HSPG2: variants seen among roughly 807,000 people sequenced by gnomAD.
HSPG2 encodes the protein heparan sulfate proteoglycan 2, also known as basement membrane-specific heparan sulfate proteoglycan core protein.
Under a neutral mutation model 526.6 loss-of-function variants are expected in HSPG2, and 278 were observed. The ratio of observed to expected loss-of-function variants is 0.53; its 90% CI spans 0.48 to 0.58. The LOEUF (loss-of-function observed/expected upper bound fraction) is 0.58, where lower values mean the gene tolerates loss of function less well. Ranked by LOEUF, HSPG2 falls within the 20% of genes least tolerant of loss-of-function variation. The pLI is 0.00. For synonymous variants in HSPG2, 2,465 were observed against 2,555.4 expected (o/e 0.96, Z 1.07); for missense variants, 5,354 against 6,099.5 (o/e 0.88, Z 4.07).
intron 1 of HSPG2, among the ~76,000 whole-genome samples, chr1:21,912,358 A>G (rs1643724187): frequency 6.6e-6 from 1 of 152,150 alleles, no homozygotes; most frequent in Non-Finnish European, 1.5e-5. Context: ...CTTCTCTCCC[A>G]GTCCTATCCA....
In HSPG2 at chr1:21,829,449, C is replaced by A; in HGVS notation, c.11926G>T (p.Val3976Leu). The change falls in exon 87 of 97, where the codon GTG (valine) becomes TTG (leucine). Residue 3976 changes from valine to leucine, a missense_variant. Physicochemically the swap from Val to Leu is conservative, Grantham distance 32. Coordinates refer to ENST00000374695, the MANE Select transcript of HSPG2 (RefSeq NM_005529.7). ...LLFSGGKSGP[V>L]EDFVSLAMVG... Reference sequence around the variant, plus strand: ...ATCGCCAGGGACACGAAGTCCTCCACAGGCCCGCTCTTCCCCCCGCTGAAC... The same window carrying A: ...ATCGCCAGGGACACGAAGTCCTCCAAAGGCCCGCTCTTCCCCCCGCTGAAC... 6.2e-7 allele frequency: 1 copy of A among 1,613,380 alleles called. No individual in the cohort carries two copies. The highest frequency in any genetic ancestry group is 2.2e-5 in the East Asian group (1 of 44,880).
intron 17 of HSPG2, 43 bp from the exon 18 acceptor site, chr1:21,879,164 C>G: frequency 1.2e-6 from 2 of 1,613,252 alleles, no homozygotes; most frequent in Non-Finnish European, 1.7e-6. Flanking sequence ...TAGAGCAGAA[C>G]TGGGCCAGAT....
At chr1:21,897,655 A>G (rs1238345039) in intron 1 of HSPG2, among the ~76,000 whole-genome samples, 1 of 152,194 alleles carries the variant, frequency 6.6e-6, no homozygotes, top group Non-Finnish European at 1.5e-5. Flanking sequence ...CAGACACACA[A>G]GACTACAAAC....
Position 21,890,090 on chromosome 1 carries a change from A to G in HSPG2, c.465T>C (p.Asn155=). ...FVELDVGSEG[N]ADGAQIQEML... ...TCTCCTGAATCTGAGCCCCATCCGC[A>G]TTCCCTTCCGAGCCCACATCCAGCT... Residue 155 remains asparagine, a synonymous_variant, in exon 6 of 97, where the codon AAT becomes AAC. Transcript: ENST00000374695. This position sits in a 1 kb window ranked among gnomAD's most constrained non-coding sequence, Gnocchi z 4.1. The G allele has an allele frequency of 1.2e-6, 2 of 1,614,000 alleles. No individual in the cohort carries two copies. The highest frequency in any genetic ancestry group is 1.7e-6 in the Non-Finnish European group (2 of 1,179,922).
intron 74 of HSPG2, among the ~76,000 whole-genome samples, chr1:21,837,388 C>T (rs182956642): frequency 1.8e-4 from 27 of 152,262 alleles, no homozygotes; most frequent in African/African-American, 6.0e-4. Flanking sequence ...TCAAGCGATT[C>T]TCCTGCCTCA....
Position 21,824,061 on chromosome 1 carries a change from G to C in HSPG2, c.12899+60C>G. ...CCTGCCTCTCTGCCCATGGTAGGGGGCGTCCTGCCCCACTCCAGAACGCTG... is the reference window on the plus strand; with the variant it reads ...CCTGCCTCTCTGCCCATGGTAGGGGCCGTCCTGCCCCACTCCAGAACGCTG... On this transcript the variant is annotated intron_variant, in intron 95 of 96. Coordinates refer to ENST00000374695, the MANE Select transcript of HSPG2 (RefSeq NM_005529.7). This position sits in a 1 kb window ranked among gnomAD's most constrained non-coding sequence, Gnocchi z 5.9. 6.9e-7 allele frequency: 1 copy of C among 1,458,794 alleles called. No individual in the cohort carries two copies. Among genetic ancestry groups the C allele is most frequent in the Non-Finnish European group, 9.5e-7 (1 of 1,053,048 alleles). The allele number at this position is 1,458,794 out of a possible 1,614,324, so 90.4% of individuals were successfully genotyped here.
Position 21,890,770 on chromosome 1 carries a change from G to T in HSPG2, c.245-76C>A. The T allele has an allele frequency of 9.0e-7, 1 of 1,116,496 alleles. No homozygotes were observed. Among genetic ancestry groups the T allele is most frequent in the Non-Finnish European group, 1.3e-6 (1 of 743,318 alleles). The allele number at this position is 1,116,496 out of a possible 1,614,324, so 69.2% of individuals were successfully genotyped here. On this transcript the variant is annotated intron_variant, in intron 3 of 96. Coordinates refer to ENST00000374695, the MANE Select transcript of HSPG2 (RefSeq NM_005529.7). This position sits in a 1 kb window ranked among gnomAD's most constrained non-coding sequence, Gnocchi z 4.1. ...GGCCTTAGGCAGTTGGACCATTCAG[G>T]CAGAGTTGGGGGGATGGCCCCCAGA... is the stretch of plus-strand genomic sequence containing the variant.
chr1:21,856,414 G>A (rs1280206406), intron 44 of HSPG2, among the ~76,000 whole-genome samples: 1 of 152,024 alleles, frequency 6.6e-6, no homozygotes, highest in Non-Finnish European at 1.5e-5. Flanking sequence ...CTCCCACCTT[G>A]TTTTATTTTA....
At chr1:21,913,033 T>C (rs1277483644) in intron 1 of HSPG2, among the ~76,000 whole-genome samples, 1 of 151,798 alleles carries the variant, frequency 6.6e-6, no homozygotes, top group Non-Finnish European at 1.5e-5. Flanking sequence ...ATGGTGCTTT[T>C]GGGCAGCCGT....
rs1251550877 is a variant in HSPG2, at chr1:21,822,382, G to A, written c.*934C>T. 7.3e-6 allele frequency: 5 copies of A among 681,684 alleles called. No homozygotes were observed. In the Admixed American group the frequency reaches 9.4e-5, roughly 13 times the overall value. 42.2% of individuals were successfully genotyped at this position (681,684 alleles called of 1,614,324 possible). A position where few individuals can be genotyped will look rare whatever the true frequency, so the allele number is the denominator to read the frequency against. On this transcript the variant is annotated 3_prime_UTR_variant, in exon 97 of 97. Coordinates refer to ENST00000374695, the MANE Select transcript of HSPG2 (RefSeq NM_005529.7). ...GATGGCACTTGAGCTGGATCTTCAG[G>A]CTCCTGCAGATGGGGCAGGGTGGTC...
chr1:21,839,330 G>C lies in HSPG2; in HGVS notation c.9889+41C>G, dbSNP rs1479589967. 6.3e-7 allele frequency: 1 copy of C among 1,599,108 alleles called. No homozygotes were observed. Among genetic ancestry groups the C allele is most frequent in the East Asian group, 2.2e-5 (1 of 44,826 alleles). On this transcript the variant is annotated intron_variant, in intron 73 of 96. Coordinates refer to ENST00000374695, the MANE Select transcript of HSPG2 (RefSeq NM_005529.7). The surrounding 1 kb of genome is among the most constrained non-coding windows in gnomAD (Gnocchi z 4.5). ...GGGTGGAGCCTAGTCGGGGGGCTCAGATCTCCATTTGGTGCAGACAAAGAA... is the reference window on the plus strand; with the variant it reads ...GGGTGGAGCCTAGTCGGGGGGCTCACATCTCCATTTGGTGCAGACAAAGAA...
intron 1 of HSPG2, among the ~76,000 whole-genome samples, chr1:21,914,092 G>A (rs939657758): frequency 1.3e-5 from 2 of 152,110 alleles, no homozygotes; most frequent in African/African-American, 4.8e-5. Flanking sequence ...AGAGAAGGGG[G>A]AAAAAACAGT....
chr1:21,897,726 A>G (rs1333730397), intron 1 of HSPG2, among the ~76,000 whole-genome samples: 3 of 152,134 alleles, frequency 2.0e-5, no homozygotes, highest in Non-Finnish European at 4.4e-5. Context: ...TGACAGAAAG[A>G]TCAGTAGTCA....
chr1:21,884,446 T>C (rs1641724202), intron 13 of HSPG2, 82 bp downstream of exon 13: 1 of 1,569,646 alleles, frequency 6.4e-7, no homozygotes. Context: ...GCCCCCTCTG[T>C]CCGCATCTAT....
At chr1:21,884,733 C>A in intron 12 of HSPG2, 34 bp downstream of exon 12, 1 of 1,612,088 alleles carries the variant, frequency 6.2e-7, no homozygotes, top group Non-Finnish European at 8.5e-7. Flanking sequence ...CGGCTCTGCC[C>A]CCACACCCGG....
Position 21,823,493 on chromosome 1 carries a change from CG to C in HSPG2, c.13004-6del. Reference sequence around the variant, plus strand: ...TGGCCACGTCAGGGGCTCCGCCTGCCGGGAGGTGAGAGGACAGGGCCTGTGG... The same window carrying C: ...TGGCCACGTCAGGGGCTCCGCCTGCCGGAGGTGAGAGGACAGGGCCTGTGG... On this transcript the variant is annotated splice_polypyrimidine_tract_variant and splice_region_variant and intron_variant, in intron 96 of 96. Coordinates refer to ENST00000374695, the MANE Select transcript of HSPG2 (RefSeq NM_005529.7). The C allele has an allele frequency of 6.2e-7, 1 of 1,604,492 alleles. No homozygotes were observed.
At chr1:21,841,442 G>A (rs2098048076) in intron 70 of HSPG2, 97 bp downstream of exon 70, 1 of 1,579,432 alleles carries the variant, frequency 6.3e-7, no homozygotes, top group South Asian at 1.1e-5. Flanking sequence ...GCCCAAGACA[G>A]AGTCAATGGT....
chr1:21,828,892 G>C lies in HSPG2; in HGVS notation c.12180C>G (p.Ser4060=), dbSNP rs560481648. 6.4e-7 allele frequency: 1 copy of C among 1,555,138 alleles called. No individual in the cohort carries two copies. Among genetic ancestry groups the C allele is most frequent in the South Asian group, 1.2e-5 (1 of 84,372 alleles). ...TGTTGGTGGCCGGGGACAGTGGCAC[G>C]GAAGGCTCCACACCCCCCAGGTAGA... is the stretch of plus-strand genomic sequence containing the variant. ...TLLYLGGVEP[S]VPLSPATNMS... is the part of the protein sequence containing the mutation. The change falls in exon 88 of 97, where the codon TCC becomes TCG. Residue 4060 remains serine, a synonymous_variant. Transcript: ENST00000374695. The surrounding 1 kb of genome is among the most constrained non-coding windows in gnomAD (Gnocchi z 6.0).
At chr1:21,905,097 G>A (rs1039720210) in intron 1 of HSPG2, among the ~76,000 whole-genome samples, 5 of 151,982 alleles carry the variant, frequency 3.3e-5, no homozygotes, top group South Asian at 2.1e-4. Context: ...ACTCACCAAC[G>A]GGTGAGAGGA....
Sources: allele counts gnomAD v4.1 joint callset (sites outside exome capture counted in the v4.1 genomes callset), GRCh38; gene constraint gnomAD v4.1.1; non-coding constraint Gnocchi (gnomAD v3.1); transcripts MANE v1.5; gene names NCBI Gene and HGNC (gene_info 2026-07-23, HGNC 2026-07-21).